Variants in PPP2R2C observed in about 807,000 individuals in gnomAD.
The protein encoded by PPP2R2C is protein phosphatase 2, regulatory subunit B, gamma.
A neutral mutation model predicts 45.3 loss-of-function variants in PPP2R2C; 10 were observed. The observed-to-expected ratio is 0.22, with a 90% CI of 0.14 to 0.37. The LOEUF (loss-of-function observed/expected upper bound fraction) is 0.37. Among genes scored for constraint, PPP2R2C ranks in the 10% least tolerant of loss-of-function variants. The probability of loss-of-function intolerance (pLI) is 1.00; values close to 1 mark genes in which losing one functional copy is unlikely to be tolerated. For synonymous variants in PPP2R2C, 257 were observed against 245.4 expected, an observed-to-expected ratio of 1.05 and a Z score of -0.44; for missense variants, 308 against 619.7, an observed-to-expected ratio of 0.50 and a Z score of 5.34.
intron 2 of PPP2R2C, among the ~76,000 whole-genome samples, chr4:6,517,269 C>T (rs1390472318): frequency 1.3e-5 from 2 of 152,200 alleles, no homozygotes; most frequent in African/African-American, 4.8e-5. Context: ...GTGTGAAAGG[C>T]ACCATGCTGG....
At chr4:6,552,771 A>T (rs2108841103) in intron 1 of PPP2R2C, among the ~76,000 whole-genome samples, 1 of 152,290 alleles carries the variant, frequency 6.6e-6, no homozygotes, top group South Asian at 2.1e-4. Context: ...GGGGGGCATT[A>T]TTCTTTCCAC....
chr4:6,439,361 A>C (rs1560547936), intron 1 of PPP2R2C, among the ~76,000 whole-genome samples: 1 of 152,234 alleles, frequency 6.6e-6, no homozygotes, highest in Non-Finnish European at 1.5e-5. Flanking sequence ...ATGACACTAC[A>C]TTCATACGGG....
intron 2 of PPP2R2C, among the ~76,000 whole-genome samples, chr4:6,491,256 G>A (rs760487242): frequency 6.6e-6 from 1 of 152,212 alleles, no homozygotes; most frequent in Non-Finnish European, 1.5e-5. Flanking sequence ...GGCTCAGGTG[G>A]TCAGCCCCTC....
rs1226936281 is a variant in PPP2R2C at position 6,368,241 on chromosome 4, C to T, written c.625+4282G>A. ...TCCTCACTTGGCAAAAACCACACCC[C>T]TGGCTTACCCTCCACCGACCTGAGG... is the stretch of plus-strand genomic sequence containing the variant. On this transcript the variant is annotated intron_variant, in intron 5 of 8. Transcript: ENST00000382599. This position sits in a 1 kb window ranked among gnomAD's most constrained non-coding sequence, Gnocchi z 4.2. Among the ~76,000 whole-genome samples the T allele has an allele frequency of 6.6e-6, 1 of 152,226 alleles. No individual in the cohort carries two copies. The highest frequency in any genetic ancestry group is 1.5e-5 in the Non-Finnish European group (1 of 68,040).
chr4:6,522,991 G>T (rs1237777606), intron 2 of PPP2R2C, among the ~76,000 whole-genome samples: 1 of 152,220 alleles, frequency 6.6e-6, no homozygotes, highest in Non-Finnish European at 1.5e-5. Context: ...GCCTGGCAGG[G>T]GTGGACCGGG....
chr4:6,519,104 A>G (rs1723929865), intron 2 of PPP2R2C, among the ~76,000 whole-genome samples: 1 of 152,156 alleles, frequency 6.6e-6, no homozygotes. Flanking sequence ...CTTTCAGAAG[A>G]CAGAATGGAG....
At chr4:6,437,073 C>T (rs966216669) in intron 1 of PPP2R2C, among the ~76,000 whole-genome samples, 9 of 152,230 alleles carry the variant, frequency 5.9e-5, no homozygotes, top group Admixed American at 5.9e-4. Context: ...CAAGGCTATG[C>T]TTGCCAGCAC....
chr4:6,530,926 C>A (rs1014576530), intron 2 of PPP2R2C, among the ~76,000 whole-genome samples: 1 of 152,178 alleles, frequency 6.6e-6, no homozygotes, highest in African/African-American at 2.4e-5. Context: ...AAATGTTGAC[C>A]AACAGGAGGG....
chr4:6,416,039 TC>T (rs1220197387), intron 1 of PPP2R2C, among the ~76,000 whole-genome samples: 1 of 152,204 alleles, frequency 6.6e-6, no homozygotes, highest in Non-Finnish European at 1.5e-5. Context: ...TTCCTAGCAG[TC>T]CCTGCTGTCA....
At chr4:6,462,588 G>A (rs1334303577) in intron 1 of PPP2R2C, among the ~76,000 whole-genome samples, 13 of 152,236 alleles carry the variant, frequency 8.5e-5, no homozygotes, top group Admixed American at 2.6e-4. Context: ...ACAGCCAAAC[G>A]CAGGTGCAGG....
intron 1 of PPP2R2C, among the ~76,000 whole-genome samples, chr4:6,466,109 C>A (rs1431845331): frequency 6.6e-6 from 1 of 152,200 alleles, no homozygotes. Flanking sequence ...AAGCATGGCC[C>A]CTGCCTGTGA....
chr4:6,396,404 G>C (rs900663880), intron 1 of PPP2R2C, among the ~76,000 whole-genome samples: 2 of 152,216 alleles, frequency 1.3e-5, no homozygotes, highest in African/African-American at 4.8e-5. Context: ...AGCAAACAGA[G>C]GCACATTCAG....
intron 1 of PPP2R2C, among the ~76,000 whole-genome samples, chr4:6,444,181 C>CCTAA (rs1720302559): frequency 6.6e-6 from 1 of 152,174 alleles, no homozygotes; most frequent in Non-Finnish European, 1.5e-5. Context: ...TCACCATGTG[C>CCTAA]CTAACATGGC....
At chr4:6,347,810 A>C in intron 6 of PPP2R2C, 36 bp downstream of exon 6, 7 of 1,060,792 alleles carry the variant, frequency 6.6e-6, no homozygotes, top group Middle Eastern at 2.5e-4. Flanking sequence ...CGCCTGCCCA[A>C]TGCACAGCCC....
chr4:6,410,714 C>T (rs1718112934), intron 1 of PPP2R2C, among the ~76,000 whole-genome samples: 2 of 152,042 alleles, frequency 1.3e-5, no homozygotes, highest in Non-Finnish European at 2.9e-5. Flanking sequence ...CTGCCACTTA[C>T]CACCCCAGTG....
intron 1 of PPP2R2C, among the ~76,000 whole-genome samples, chr4:6,411,167 T>C (rs371183870): frequency 4.0e-4 from 61 of 152,252 alleles, no homozygotes; most frequent in African/African-American, 1.4e-3. Flanking sequence ...CACCAGTACC[T>C]GGCCCCTAAT....
chr4:6,498,917 C>G (rs1373228151), intron 2 of PPP2R2C, among the ~76,000 whole-genome samples: 1 of 152,118 alleles, frequency 6.6e-6, no homozygotes, highest in Non-Finnish European at 1.5e-5. Flanking sequence ...TAGACAGTAT[C>G]ATATTCTTCT....
chr4:6,393,078 A>C (rs1716768730), intron 1 of PPP2R2C, among the ~76,000 whole-genome samples: 1 of 152,186 alleles, frequency 6.6e-6, no homozygotes, highest in Admixed American at 6.5e-5. Flanking sequence ...CATGAAATTC[A>C]CCACTTTTAA....
At chr4:6,377,047 A>C (rs1365795776) in intron 3 of PPP2R2C, among the ~76,000 whole-genome samples, 1 of 152,244 alleles carries the variant, frequency 6.6e-6, no homozygotes, top group East Asian at 1.9e-4. Flanking sequence ...GCGGGCACCC[A>C]GCAAGGCTTA....
Sources: allele counts gnomAD v4.1 joint callset (sites outside exome capture counted in the v4.1 genomes callset), GRCh38; gene constraint gnomAD v4.1.1; non-coding constraint Gnocchi (gnomAD v3.1); transcripts MANE v1.5; gene names NCBI Gene and HGNC (gene_info 2026-07-23, HGNC 2026-07-21).